GHR: variants seen among roughly 807,000 people sequenced by gnomAD.
The protein encoded by GHR is GH receptor.
Under a neutral mutation model 67.1 loss-of-function variants are expected in GHR, and 35 were observed. The ratio of observed to expected loss-of-function variants is 0.52; its 90% CI spans 0.40 to 0.69. GHR has a LOEUF of 0.69. Ranked by LOEUF, GHR falls within the 30% of genes least tolerant of loss-of-function variation. The probability of loss-of-function intolerance (pLI) is 0.00; values close to 1 mark genes in which losing one functional copy is unlikely to be tolerated. For missense variants in GHR, 792 were observed against 764.6 expected (o/e 1.04, Z -0.42); for synonymous variants, 272 against 269.1 (o/e 1.01, Z -0.10).
intron 1 of GHR, among the ~76,000 whole-genome samples, chr5:42,563,661 A>G (rs1749757497): frequency 6.7e-6 from 1 of 149,844 alleles, no homozygotes; most frequent in African/African-American, 2.5e-5. Flanking sequence ...TACAAAAATT[A>G]GCTGGGCATG....
chr5:42,447,947 A>G (rs1189414439), intron 1 of GHR, among the ~76,000 whole-genome samples: 1 of 151,914 alleles, frequency 6.6e-6, no homozygotes, highest in Non-Finnish European at 1.5e-5. Context: ...TCTTTAGTAG[A>G]GATGGGGTTT....
chr5:42,655,639 G>T (rs1008014160), intron 3 of GHR, among the ~76,000 whole-genome samples: 1 of 151,910 alleles, frequency 6.6e-6, no homozygotes, highest in African/African-American at 2.4e-5. Flanking sequence ...TATGTACAAG[G>T]TTCTAATATA....
intron 3 of GHR, among the ~76,000 whole-genome samples, chr5:42,661,669 A>C (rs1048440928): frequency 6.6e-6 from 1 of 151,352 alleles, no homozygotes; most frequent in Non-Finnish European, 1.5e-5. Flanking sequence ...TGTAAAGACC[A>C]TCAAGGCTAG....
intron 1 of GHR, among the ~76,000 whole-genome samples, chr5:42,426,270 G>A (rs540086007): frequency 1.3e-4 from 20 of 152,296 alleles, no homozygotes; most frequent in African/African-American, 4.6e-4. Flanking sequence ...TTGCAGCAGG[G>A]AAACAAATCT....
At chr5:42,509,728 T>C (rs929833179) in intron 1 of GHR, among the ~76,000 whole-genome samples, 3 of 134,626 alleles carry the variant, frequency 2.2e-5, no homozygotes, top group East Asian at 4.1e-4. Flanking sequence ...GCCTCAAACC[T>C]TTTTTTTTTT....
intron 3 of GHR, among the ~76,000 whole-genome samples, chr5:42,629,542 T>A (rs1307616764): frequency 7.6e-6 from 1 of 132,134 alleles, no homozygotes; most frequent in Non-Finnish European, 1.6e-5. Flanking sequence ...TCCTGAGGCT[T>A]TCACCAGAAG....
intron 2 of GHR, among the ~76,000 whole-genome samples, chr5:42,620,269 ATAT>A (rs58491440): frequency 0.15 from 22,561 of 152,072 alleles, 1,938 homozygotes; most frequent in Middle Eastern, 0.26. Context: ...ATTCAAAGTA[ATAT>A]TATAAGTAAA....
chr5:42,713,048 C>T (rs566187784), intron 7 of GHR, among the ~76,000 whole-genome samples: 94 of 151,702 alleles, frequency 6.2e-4, no homozygotes, highest in African/African-American at 2.2e-3. Context: ...GAAAAGAAAC[C>T]GAGTGGGCAT....
rs1333683049 is a variant in GHR at position 42,424,524 on chromosome 5, CG to C, written c.-12+572del. 1 of 1,467,594 alleles carries C rather than the reference CG, an allele frequency of 6.8e-7. No homozygotes were observed. The highest frequency in any genetic ancestry group is 2.5e-5 in the East Asian group (1 of 40,522). 90.9% of individuals were successfully genotyped at this position (1,467,594 alleles called of 1,614,324 possible). On this transcript the variant is annotated intron_variant, in intron 1 of 9. Transcript: ENST00000230882. This position sits in a 1 kb window ranked among gnomAD's most constrained non-coding sequence, Gnocchi z 4.1. ...GCGCGCGGTCTTTTGCGCGTTTGTG[CG>C]GGCCGCAGCCGCACGTTGGCACCGA...
intron 1 of GHR, among the ~76,000 whole-genome samples, chr5:42,529,999 C>CTTTTT (rs376534691): frequency 0.024 from 1,372 of 56,538 alleles, no homozygotes; most frequent in Non-Finnish European, 0.03. Flanking sequence ...TGAATCACTT[C>CTTTTT]TTTTTTTTTT....
chr5:42,511,520 A>C (rs2112266553), intron 1 of GHR, among the ~76,000 whole-genome samples: 1 of 152,320 alleles, frequency 6.6e-6, no homozygotes, highest in African/African-American at 2.4e-5. Context: ...GCATTTACTA[A>C]ATGTTGAATG....
At chr5:42,701,392 C>T (rs867111118) in intron 6 of GHR, among the ~76,000 whole-genome samples, 5 of 152,242 alleles carry the variant, frequency 3.3e-5, no homozygotes, top group South Asian at 4.1e-4. Flanking sequence ...TTCTGTGTGA[C>T]ATATGGGAAT....
intron 1 of GHR, among the ~76,000 whole-genome samples, chr5:42,452,336 T>C (rs1173010007): frequency 6.6e-6 from 1 of 152,208 alleles, no homozygotes; most frequent in African/African-American, 2.4e-5. Context: ...CTTGATTTTT[T>C]CCTTTGTCTT....
intron 1 of GHR, among the ~76,000 whole-genome samples, chr5:42,464,016 A>G (rs1490132393): frequency 8.1e-6 from 1 of 123,904 alleles, no homozygotes; most frequent in South Asian, 2.5e-4. Context: ...AAAAAAAAAA[A>G]GAAAAAGAAA....
intron 1 of GHR, among the ~76,000 whole-genome samples, chr5:42,435,965 C>T (rs868290798): frequency 3.9e-5 from 6 of 152,130 alleles, no homozygotes; most frequent in East Asian, 1.9e-4. Context: ...TTTTACTCAG[C>T]GTACATATGT....
At chr5:42,551,967 G>A (rs556588749) in intron 1 of GHR, among the ~76,000 whole-genome samples, 2 of 152,232 alleles carry the variant, frequency 1.3e-5, no homozygotes, top group Non-Finnish European at 2.9e-5. Flanking sequence ...TTTACAAGAT[G>A]TGAAAACTGA....
At chr5:42,541,599 A>T (rs948667821) in intron 1 of GHR, among the ~76,000 whole-genome samples, 1 of 152,174 alleles carries the variant, frequency 6.6e-6, no homozygotes, top group African/African-American at 2.4e-5. Flanking sequence ...TATTTTAGTG[A>T]GACCAATTTG....
intron 1 of GHR, among the ~76,000 whole-genome samples, chr5:42,426,256 A>G (rs528185860): frequency 6.6e-5 from 10 of 152,196 alleles, no homozygotes; most frequent in Non-Finnish European, 1.2e-4. Flanking sequence ...GCATGAAGCA[A>G]ATCTTGCAGC....
At chr5:42,605,938 A>G (rs1176922056) in intron 2 of GHR, among the ~76,000 whole-genome samples, 1 of 152,210 alleles carries the variant, frequency 6.6e-6, no homozygotes, top group Non-Finnish European at 1.5e-5. Flanking sequence ...GGAGAAACTG[A>G]GAGCTGGGTG....
Sources: allele counts gnomAD v4.1 joint callset (sites outside exome capture counted in the v4.1 genomes callset), GRCh38; gene constraint gnomAD v4.1.1; non-coding constraint Gnocchi (gnomAD v3.1); transcripts MANE v1.5; gene names NCBI Gene and HGNC (gene_info 2026-07-23, HGNC 2026-07-21).